Variants in NXN observed in about 807,000 individuals in gnomAD.
The protein encoded by NXN is nucleoredoxin 1.
Under a neutral mutation model 48.6 loss-of-function variants are expected in NXN, and 16 were observed. The ratio of observed to expected loss-of-function variants is 0.33; its 90% CI spans 0.22 to 0.50. NXN has a LOEUF of 0.50. Among genes scored for constraint, NXN ranks in the 20% least tolerant of loss-of-function variants. NXN has a pLI of 0.98. For missense variants in NXN, 492 were observed against 605.5 expected, an observed-to-expected ratio of 0.81 and a Z score of 1.97; for synonymous variants, 281 against 269.6, an observed-to-expected ratio of 1.04 and a Z score of -0.41.
At chr17:853,721 A>T (rs1435900770) in intron 1 of NXN, among the ~76,000 whole-genome samples, 16,604 of 104,252 alleles carry the variant, frequency 0.16, 1,426 homozygotes, top group Middle Eastern at 0.22. Context: ...ATATATATAT[A>T]TATTTTTTTT....
intron 1 of NXN, among the ~76,000 whole-genome samples, chr17:879,421 C>T (rs1039444959): frequency 6.6e-6 from 1 of 151,512 alleles, no homozygotes. Context: ...TCCCAAGTAG[C>T]TCAGATTACA....
chr17:821,507 C>G lies in NXN; in HGVS notation c.713+850G>C. ...GCGCGGTGGCTCATGCCTGTAATCC[C>G]AGCATTTTGGGAGGCCAAGGCAGGA... is the stretch of plus-strand genomic sequence containing the variant. On this transcript the variant is annotated intron_variant, in intron 4 of 7. Coordinates refer to ENST00000336868, the MANE Select transcript of NXN (RefSeq NM_022463.5). 2.5e-5 allele frequency among the ~76,000 whole-genome samples: 2 copies of G among 78,698 alleles called. 1 individual carries two copies. The highest frequency in any genetic ancestry group is 1.5e-4 in the African/African-American group (2 of 13,054). The allele number at this position is 78,698 out of a possible 152,430, so 51.6% of individuals were successfully genotyped here. A position where few individuals can be genotyped will look rare whatever the true frequency, so the allele number is the denominator to read the frequency against.
intron 1 of NXN, among the ~76,000 whole-genome samples, chr17:876,312 G>A (rs1213736278): frequency 6.6e-6 from 1 of 151,938 alleles, no homozygotes; most frequent in Non-Finnish European, 1.5e-5. Context: ...CTCCCAAAGT[G>A]AATACTAAGA....
chr17:873,730 G>C (rs1016819837), intron 1 of NXN, among the ~76,000 whole-genome samples: 1 of 152,024 alleles, frequency 6.6e-6, no homozygotes, highest in African/African-American at 2.4e-5. Context: ...GGCCTTCTCA[G>C]ACCTATGAAA....
intron 1 of NXN, among the ~76,000 whole-genome samples, chr17:974,382 T>A (rs1481661554): frequency 6.6e-6 from 1 of 152,010 alleles, no homozygotes; most frequent in African/African-American, 2.4e-5. Context: ...TATATAGATA[T>A]ATGGATATAC....
At chr17:843,947 A>C (rs2067829738) in intron 1 of NXN, among the ~76,000 whole-genome samples, 2 of 152,252 alleles carry the variant, frequency 1.3e-5, no homozygotes, top group Admixed American at 6.5e-5. Flanking sequence ...GAAAGGAGGC[A>C]TAGGAATGAG....
chr17:838,808 C>A (rs73975564), intron 1 of NXN, among the ~76,000 whole-genome samples: 1 of 152,164 alleles, frequency 6.6e-6, no homozygotes, highest in Non-Finnish European at 1.5e-5. Flanking sequence ...ATCCGCCCTA[C>A]AGCTGCCTCC....
intron 1 of NXN, among the ~76,000 whole-genome samples, chr17:828,272 T>G (rs550673669): frequency 6.6e-6 from 1 of 151,242 alleles, no homozygotes; most frequent in South Asian, 2.1e-4. Flanking sequence ...CCCGGCTAGT[T>G]TTTATATTTT....
chr17:897,003 G>T (rs542181932), intron 1 of NXN: 1 of 1,137,512 alleles, frequency 8.8e-7, no homozygotes, highest in South Asian at 1.7e-5. Context: ...GCAGATACAC[G>T]GACTCCGTAA....
chr17:960,810 G>A (rs1411628109), intron 1 of NXN, among the ~76,000 whole-genome samples: 9 of 140,630 alleles, frequency 6.4e-5, no homozygotes, highest in African/African-American at 2.3e-4. Flanking sequence ...TTTTGAGATG[G>A]TGTCTCGCTC....
intron 1 of NXN, among the ~76,000 whole-genome samples, chr17:839,808 A>AAAAAAAAAAAACAAAAAAAAAAAAAC (rs1352197383): frequency 5.6e-5 from 8 of 143,690 alleles, no homozygotes; most frequent in African/African-American, 2.1e-4. Context: ...AAAAAAAAAA[A>AAAAAAAAAAAACAAAAAAAAAAAAAC]AAAAAAGGCC....
rs2068110979 is a variant in NXN, at chr17:868,040, A to C, written c.361-41962T>G. Among the ~76,000 whole-genome samples, 3 of 152,172 alleles carry C rather than the reference A, an allele frequency of 2.0e-5. No homozygotes were observed. The South Asian group carries it at 6.2e-4, about 32-fold the overall frequency. On this transcript the variant is annotated intron_variant, in intron 1 of 7. Transcript: ENST00000336868. ...GCATGACCTATTCCGGGGACACAGC[A>C]GGGACATGTGTTGTGCTCCAGCAGA... is the stretch of plus-strand genomic sequence containing the variant.
Position 800,115 on chromosome 17 carries a change from CA to C in NXN, c.*833del, listed in dbSNP as rs778766667. On this transcript the variant is annotated 3_prime_UTR_variant, in exon 8 of 8. Transcript: ENST00000336868. ...TGGGCGACAGAGCAAGACTCCATCT[CA>C]AAAAAAAGAAAATAAAAGGGAATGG... 3.9e-5 allele frequency: 6 copies of C among 152,040 alleles called. No homozygotes were observed. Among genetic ancestry groups the C allele is most frequent in the Non-Finnish European group, 8.8e-5 (6 of 68,206 alleles). 9.4% of individuals were successfully genotyped at this position (152,040 alleles called of 1,614,324 possible).
At chr17:913,173 C>A (rs2068653465) in intron 1 of NXN, among the ~76,000 whole-genome samples, 1 of 152,138 alleles carries the variant, frequency 6.6e-6, no homozygotes, top group African/African-American at 2.4e-5. Flanking sequence ...TAGAGGCTAA[C>A]TTCTTATTAG....
At position 913,078 on chromosome 17, in the gene NXN, T is replaced by G. The variant is rs562611792; in HGVS notation, c.360+66241A>C. Among the ~76,000 whole-genome samples, 13 of 152,372 alleles carry G rather than the reference T, an allele frequency of 8.5e-5. No homozygotes were observed. In the South Asian group the frequency reaches 2.7e-3, roughly 32 times the overall value. Reference sequence around the variant, plus strand: ...GTTTATCATTTGATCTGGTTTCTGGTATTTTGGACCATATAGAAGTTTTAT... The same window carrying G: ...GTTTATCATTTGATCTGGTTTCTGGGATTTTGGACCATATAGAAGTTTTAT... On this transcript the variant is annotated intron_variant, in intron 1 of 7. Transcript: ENST00000336868.
chr17:939,586 T>C (rs1567510350), intron 1 of NXN, among the ~76,000 whole-genome samples: 1 of 152,166 alleles, frequency 6.6e-6, no homozygotes, highest in Non-Finnish European at 1.5e-5. Flanking sequence ...CCTCAGGTGA[T>C]CCTCCCACCT....
intron 1 of NXN, among the ~76,000 whole-genome samples, chr17:936,781 G>C (rs373163878): frequency 7.3e-5 from 11 of 150,088 alleles, no homozygotes; most frequent in African/African-American, 2.7e-4. Context: ...ACTTCACAGA[G>C]GTATTACAGT....
At chr17:822,939 A>C (rs1171273876) in intron 3 of NXN, among the ~76,000 whole-genome samples, 1 of 151,950 alleles carries the variant, frequency 6.6e-6, no homozygotes, top group Admixed American at 6.5e-5. Flanking sequence ...ATCTCTACTA[A>C]AAATACAAAA....
intron 1 of NXN, among the ~76,000 whole-genome samples, chr17:900,913 CT>C (rs11367844): frequency 0.43 from 32,555 of 75,194 alleles, 4,086 homozygotes; most frequent in Middle Eastern, 0.49. Flanking sequence ...GATCTGCATT[CT>C]TTTTTTTTTT....
Sources: allele counts gnomAD v4.1 joint callset (sites outside exome capture counted in the v4.1 genomes callset), GRCh38; gene constraint gnomAD v4.1.1; transcripts MANE v1.5; gene names NCBI Gene and HGNC (gene_info 2026-07-23, HGNC 2026-07-21).